Variants in ZRANB3 observed in about 807,000 individuals in gnomAD.
ZRANB3 encodes zinc finger RANBP2-type containing 3.
A neutral mutation model predicts 133.8 loss-of-function variants in ZRANB3; 125 were observed. The ratio of observed to expected loss-of-function variants is 0.93; its 90% CI spans 0.81 to 1.08. ZRANB3 has a LOEUF of 1.08. Among genes scored for constraint, ZRANB3 ranks in the 50% least tolerant of loss-of-function variants. ZRANB3 has a pLI of 0.00. For missense variants in ZRANB3, 1,229 were observed against 1,275.5 expected (o/e 0.96, Z 0.56); for synonymous variants, 387 against 432.7 (o/e 0.89, Z 1.31).
intron 2 of ZRANB3, among the ~76,000 whole-genome samples, chr2:135,426,868 AT>A (rs1487334908): frequency 6.5e-5 from 1 of 15,288 alleles, no homozygotes; most frequent in Non-Finnish European, 9.3e-5. Flanking sequence ...AAAAAAATAT[AT>A]ATATATATAT....
At chr2:135,412,134 T>A (rs1404997551) in intron 2 of ZRANB3, among the ~76,000 whole-genome samples, 1 of 152,192 alleles carries the variant, frequency 6.6e-6, no homozygotes, top group Non-Finnish European at 1.5e-5. Context: ...TTTTGATATA[T>A]ACTTGCTGTA....
intron 4 of ZRANB3, among the ~76,000 whole-genome samples, chr2:135,350,681 AAC>A (rs1685164871): frequency 6.6e-6 from 1 of 152,208 alleles, no homozygotes; most frequent in Admixed American, 6.5e-5. Context: ...CCAGTAGCAG[AAC>A]AGACTTAACA....
chr2:135,315,597 T>C, intron 6 of ZRANB3, 67 bp from the exon 7 acceptor site: 3 of 1,139,200 alleles, frequency 2.6e-6, no homozygotes, highest in Non-Finnish European at 2.3e-6. Flanking sequence ...ATTTATCCAA[T>C]GTGCTCTTCC....
chr2:135,393,143 T>TA (rs1687319226), intron 2 of ZRANB3, among the ~76,000 whole-genome samples: 1 of 152,052 alleles, frequency 6.6e-6, no homozygotes, highest in African/African-American at 2.4e-5. Flanking sequence ...GGTGGGATTA[T>TA]AAGCGTGAGC....
At position 135,350,216 on chromosome 2, in the gene ZRANB3, C is replaced by T; in HGVS notation, c.360-1G>A. On this transcript the variant is annotated splice_acceptor_variant, in intron 4 of 20. Coordinates refer to ENST00000264159, the MANE Select transcript of ZRANB3 (RefSeq NM_032143.4). LOFTEE classifies it high-confidence loss of function. ...TGTCACTTTACTGGTCGACATTCTC[C>T]TAGAAAAGAAAATCCATGTACTTAA... is the stretch of plus-strand genomic sequence containing the variant. 6.4e-7 allele frequency: 1 copy of T among 1,570,826 alleles called. No homozygotes were observed. The highest frequency in any genetic ancestry group is 8.7e-7 in the Non-Finnish European group (1 of 1,156,052).
At chr2:135,333,563 A>T (rs970920631) in intron 6 of ZRANB3, among the ~76,000 whole-genome samples, 3 of 152,322 alleles carry the variant, frequency 2.0e-5, no homozygotes, top group Non-Finnish European at 4.4e-5. Context: ...AATATCTTAG[A>T]TAATAAATCA....
At chr2:135,387,032 A>G (rs935983664) in intron 3 of ZRANB3, among the ~76,000 whole-genome samples, 24 of 152,194 alleles carry the variant, frequency 1.6e-4, no homozygotes, top group Admixed American at 7.2e-4. Context: ...AACAGTGAAA[A>G]GATACCGAAA....
chr2:135,247,957 C>T (rs1238399059), intron 12 of ZRANB3, among the ~76,000 whole-genome samples: 1 of 152,174 alleles, frequency 6.6e-6, no homozygotes, highest in Non-Finnish European at 1.5e-5. Flanking sequence ...TTCCTCCTCA[C>T]TGGACAGAAC....
chr2:135,223,140 T>C (rs1411124894), intron 15 of ZRANB3, among the ~76,000 whole-genome samples: 5 of 151,294 alleles, frequency 3.3e-5, no homozygotes, highest in Admixed American at 2.6e-4. Flanking sequence ...TAGTCCCAGC[T>C]ACCTGGAGGC....
chr2:135,216,820 A>G (rs1694331201), intron 17 of ZRANB3, among the ~76,000 whole-genome samples: 1 of 152,178 alleles, frequency 6.6e-6, no homozygotes, highest in South Asian at 2.1e-4. Flanking sequence ...ATGCTAAGAA[A>G]AGAGTTTACA....
chr2:135,296,382 C>T (rs1176913138), intron 8 of ZRANB3, among the ~76,000 whole-genome samples: 1 of 152,212 alleles, frequency 6.6e-6, no homozygotes, highest in Non-Finnish European at 1.5e-5. Flanking sequence ...GCTACTGAGG[C>T]TTGTGCCTTC....
chr2:135,386,741 GA>G (rs1184431238), intron 3 of ZRANB3, among the ~76,000 whole-genome samples: 1 of 152,032 alleles, frequency 6.6e-6, no homozygotes, highest in African/African-American at 2.4e-5. Context: ...CTATCACAAA[GA>G]CAGAAAACTA....
Position 135,361,520 on chromosome 2 carries a change from C to T in ZRANB3, c.181-7892G>A, listed in dbSNP as rs549222006. 7.9e-4 allele frequency among the ~76,000 whole-genome samples: 121 copies of T among 152,210 alleles called. 1 individual carries two copies. Among genetic ancestry groups the T allele is most frequent in the African/African-American group, 2.6e-3 (107 of 41,530 alleles). On this transcript the variant is annotated intron_variant, in intron 3 of 20. Coordinates refer to ENST00000264159, the MANE Select transcript of ZRANB3 (RefSeq NM_032143.4). Reference sequence around the variant, plus strand: ...GTTTCACTTTTTTATACTGTGATTACTTTTATAAAGCAATTTTTATTTCTA... The same window carrying T: ...GTTTCACTTTTTTATACTGTGATTATTTTTATAAAGCAATTTTTATTTCTA...
intron 3 of ZRANB3, among the ~76,000 whole-genome samples, chr2:135,371,266 A>G (rs1686166133): frequency 6.6e-6 from 1 of 152,198 alleles, no homozygotes; most frequent in Non-Finnish European, 1.5e-5. Context: ...CTTAATAAAA[A>G]CTGGTATGGT....
intron 12 of ZRANB3, among the ~76,000 whole-genome samples, chr2:135,261,547 T>C (rs557793871): frequency 1.1e-4 from 17 of 152,350 alleles, no homozygotes; most frequent in African/African-American, 4.1e-4. Flanking sequence ...GGAAAATCTA[T>C]AAGACAACAC....
At chr2:135,452,138 T>C (rs576839522) in intron 2 of ZRANB3, among the ~76,000 whole-genome samples, 1 of 152,264 alleles carries the variant, frequency 6.6e-6, no homozygotes, top group Admixed American at 6.5e-5. Flanking sequence ...ACTTCTTACA[T>C]GGCAGAGGCA....
chr2:135,436,307 A>G (rs1327295103), intron 2 of ZRANB3, among the ~76,000 whole-genome samples: 7 of 152,086 alleles, frequency 4.6e-5, no homozygotes, highest in Non-Finnish European at 1.5e-5. Context: ...TGAGCTCACT[A>G]TTCTGTTCCA....
At chr2:135,435,777 C>T (rs1218788931) in intron 2 of ZRANB3, among the ~76,000 whole-genome samples, 6 of 152,110 alleles carry the variant, frequency 3.9e-5, no homozygotes, top group Non-Finnish European at 5.9e-5. Context: ...GTTGGCCGTA[C>T]GTATGTCTTC....
At chr2:135,275,518 T>C in intron 9 of ZRANB3, 118 bp downstream of exon 9, 1 of 736,442 alleles carries the variant, frequency 1.4e-6, no homozygotes, top group Non-Finnish European at 2.0e-6. Context: ...TGTGTGATAA[T>C]TTATATACCA....
Sources: allele counts gnomAD v4.1 joint callset (sites outside exome capture counted in the v4.1 genomes callset), GRCh38; gene constraint gnomAD v4.1.1; transcripts MANE v1.5; gene names NCBI Gene and HGNC (gene_info 2026-07-23, HGNC 2026-07-21).